Variants in GRID1 observed in about 807,000 individuals in gnomAD.
GRID1 encodes glutamate receptor ionotropic, delta-1.
Under a neutral mutation model 98.0 loss-of-function variants are expected in GRID1, and 28 were observed. The ratio of observed to expected loss-of-function variants is 0.29; its 90% CI spans 0.21 to 0.39. The LOEUF is 0.39. Ranked by LOEUF, GRID1 falls within the 10% of genes least tolerant of loss-of-function variation. The pLI is 1.00. For synonymous variants in GRID1, 553 were observed against 538.5 expected (o/e 1.03, Z -0.37); for missense variants, 1,111 against 1,340.5 (o/e 0.83, Z 2.67).
intron 2 of GRID1, among the ~76,000 whole-genome samples, chr10:86,283,824 C>T (rs1418363858): frequency 6.6e-6 from 1 of 150,720 alleles, no homozygotes; most frequent in Non-Finnish European, 1.5e-5. Context: ...ACACATCTGC[C>T]CTCACATACA....
chr10:86,253,141 T>C (rs774027709), intron 2 of GRID1, among the ~76,000 whole-genome samples: 3 of 152,260 alleles, frequency 2.0e-5, no homozygotes, highest in African/African-American at 7.2e-5. Flanking sequence ...TTACATTTAC[T>C]GTAGCTATAG....
At position 85,642,126 on chromosome 10, in the gene GRID1, A is replaced by C. The variant is rs540803161; in HGVS notation, c.2193+5076T>G. ...TAAAGGGCCAGATAATAGATATTTT[A>C]GGCTTTGTGGGCCACATATCTTTAT... On this transcript the variant is annotated intron_variant, in intron 13 of 15. Transcript: ENST00000327946. Among the ~76,000 whole-genome samples the C allele has an allele frequency of 6.2e-4, 95 of 152,328 alleles. 2 individuals carry two copies. In the South Asian group the frequency reaches 0.019, roughly 31 times the overall value.
chr10:86,234,958 G>T (rs948776827), intron 2 of GRID1, among the ~76,000 whole-genome samples: 2 of 152,232 alleles, frequency 1.3e-5, no homozygotes, highest in Admixed American at 6.5e-5. Context: ...CAAAGGGAGG[G>T]AGGTGCAGGG....
intron 4 of GRID1, among the ~76,000 whole-genome samples, chr10:86,098,595 C>A (rs935190092): frequency 1.3e-5 from 2 of 152,206 alleles, no homozygotes; most frequent in African/African-American, 4.8e-5. Context: ...TTTTATAGTT[C>A]CAGATACTCA....
At chr10:86,348,299 G>A (rs1306750734) in intron 2 of GRID1, among the ~76,000 whole-genome samples, 1 of 152,240 alleles carries the variant, frequency 6.6e-6, no homozygotes, top group African/African-American at 2.4e-5. Flanking sequence ...GTAGAAGCCA[G>A]ACACCAAAGA....
chr10:85,910,892 T>C (rs1841528242), intron 5 of GRID1, among the ~76,000 whole-genome samples: 1 of 152,136 alleles, frequency 6.6e-6, no homozygotes, highest in Non-Finnish European at 1.5e-5. Context: ...GTTAAGCAGA[T>C]GTCTGCAAGA....
chr10:85,647,127 G>A, intron 13 of GRID1, 75 bp downstream of exon 13: 2 of 1,150,438 alleles, frequency 1.7e-6, no homozygotes, highest in Non-Finnish European at 2.6e-6. Context: ...GCCCCTGGAG[G>A]TGTCTCCCAC....
intron 8 of GRID1, among the ~76,000 whole-genome samples, chr10:85,817,110 G>A (rs1478228287): frequency 6.6e-6 from 1 of 152,148 alleles, no homozygotes; most frequent in Non-Finnish European, 1.5e-5. Context: ...CCATTGATGG[G>A]CATTTAGGTT....
At chr10:86,115,808 T>A (rs1289534219) in intron 4 of GRID1, among the ~76,000 whole-genome samples, 2 of 152,216 alleles carry the variant, frequency 1.3e-5, no homozygotes, top group African/African-American at 4.8e-5. Context: ...CCAAAACATG[T>A]GTACGATCAG....
chr10:85,965,981 G>T (rs1000534443), intron 4 of GRID1, among the ~76,000 whole-genome samples: 2 of 152,092 alleles, frequency 1.3e-5, no homozygotes, highest in Non-Finnish European at 2.9e-5. Flanking sequence ...AACCCAGGTG[G>T]TTAAGAAGAC....
chr10:85,841,540 A>C (rs1343495542), intron 8 of GRID1, among the ~76,000 whole-genome samples: 1 of 152,222 alleles, frequency 6.6e-6, no homozygotes, highest in African/African-American at 2.4e-5. Context: ...CAATAGGGTA[A>C]ACTGACAACC....
Position 85,602,192 on chromosome 10 carries a change from G to A in GRID1, c.*81C>T. The A allele has an allele frequency of 1.3e-6, 1 of 755,650 alleles. No homozygotes were observed. Among genetic ancestry groups the A allele is most frequent in the Non-Finnish European group, 2.0e-6 (1 of 492,396 alleles). The allele number at this position is 755,650 out of a possible 1,614,324, so 46.8% of individuals were successfully genotyped here. Reference sequence around the variant, plus strand: ...ATGTGTGTGTGTGCGAGTGTGTGTGGTTTGTGTTGTTGTTTTCTTGTATTA... The same window carrying A: ...ATGTGTGTGTGTGCGAGTGTGTGTGATTTGTGTTGTTGTTTTCTTGTATTA... On this transcript the variant is annotated 3_prime_UTR_variant, in exon 16 of 16. Coordinates refer to ENST00000327946, the MANE Select transcript of GRID1 (RefSeq NM_017551.3).
At chr10:85,867,912 G>A (rs565371918) in intron 6 of GRID1, among the ~76,000 whole-genome samples, 4 of 152,312 alleles carry the variant, frequency 2.6e-5, no homozygotes, top group African/African-American at 9.6e-5. Flanking sequence ...CTCCACATAT[G>A]AGATTATAGA....
intron 5 of GRID1, among the ~76,000 whole-genome samples, chr10:85,891,729 G>C (rs1334372592): frequency 1.2e-4 from 18 of 152,078 alleles, no homozygotes; most frequent in Admixed American, 1.2e-3. Flanking sequence ...AATATTCAAA[G>C]TAATTCAGCT....
chr10:86,112,690 GGGC>G (rs1844506864), intron 4 of GRID1, among the ~76,000 whole-genome samples: 1 of 152,156 alleles, frequency 6.6e-6, no homozygotes, highest in African/African-American at 2.4e-5. Flanking sequence ...TAATGAGGAC[GGGC>G]CTTCTCCACA....
At chr10:85,867,015 G>C (rs533869215) in intron 6 of GRID1, among the ~76,000 whole-genome samples, 37 of 152,212 alleles carry the variant, frequency 2.4e-4, no homozygotes, top group African/African-American at 8.7e-4. Flanking sequence ...CTGTGCCTTT[G>C]TTTCTCCTCT....
chr10:86,174,036 T>C (rs1472722683), intron 3 of GRID1, among the ~76,000 whole-genome samples: 1 of 152,182 alleles, frequency 6.6e-6, no homozygotes, highest in East Asian at 1.9e-4. Context: ...ACAATAGACA[T>C]ACGTGTGCAT....
intron 4 of GRID1, among the ~76,000 whole-genome samples, chr10:86,060,455 A>T (rs1010888621): frequency 4.6e-5 from 7 of 152,224 alleles, no homozygotes; most frequent in African/African-American, 1.7e-4. Context: ...GTGGGCACCC[A>T]GACTTTGGAG....
intron 4 of GRID1, among the ~76,000 whole-genome samples, chr10:86,056,250 A>G (rs1375496236): frequency 1.3e-5 from 2 of 152,188 alleles, no homozygotes; most frequent in Non-Finnish European, 2.9e-5. Context: ...ATTAACTCCA[A>G]CTTCCTGGTT....
Sources: gnomAD v4.1 joint callset for allele counts (sites outside exome capture counted in the v4.1 genomes callset) on GRCh38, gnomAD v4.1.1 for gene constraint, MANE v1.5 for transcripts, NCBI Gene and HGNC (gene_info 2026-07-23, HGNC 2026-07-21) for gene names.